The following CNTNAP2 variants were observed in gnomAD, a reference collection of about 807,000 sequenced individuals.
CNTNAP2 encodes contactin-associated protein-like 2.
Under a neutral mutation model 155.2 loss-of-function variants are expected in CNTNAP2, and 98 were observed. The ratio of observed to expected loss-of-function variants is 0.63; its 90% CI spans 0.54 to 0.75. CNTNAP2 has a LOEUF of 0.75. Among genes scored for constraint, CNTNAP2 ranks in the 30% least tolerant of loss-of-function variants. The pLI is 0.00. For missense variants in CNTNAP2, 1,727 were observed against 1,688.1 expected, an observed-to-expected ratio of 1.02 and a Z score of -0.40; for synonymous variants, 651 against 631.2, an observed-to-expected ratio of 1.03 and a Z score of -0.47.
At chr7:146,284,935 C>T (rs1181157707) in intron 1 of CNTNAP2, among the ~76,000 whole-genome samples, 4 of 152,196 alleles carry the variant, frequency 2.6e-5, no homozygotes, top group African/African-American at 9.7e-5. Flanking sequence ...GGTTTCATCG[C>T]TTGCTGCTGA....
chr7:147,391,225 C>T (rs1462281299), intron 9 of CNTNAP2, among the ~76,000 whole-genome samples: 2 of 152,142 alleles, frequency 1.3e-5, no homozygotes, highest in African/African-American at 4.8e-5. Flanking sequence ...AGTCACTGGT[C>T]CACAGCAGTT....
At chr7:147,041,944 A>G (rs1169788349) in intron 3 of CNTNAP2, among the ~76,000 whole-genome samples, 1 of 152,178 alleles carries the variant, frequency 6.6e-6, no homozygotes. Context: ...AAGCCAGAGA[A>G]CCCAATAGAG....
chr7:147,327,001 TAAAC>T (rs1211192392), intron 9 of CNTNAP2, among the ~76,000 whole-genome samples: 3 of 152,176 alleles, frequency 2.0e-5, no homozygotes, highest in African/African-American at 7.2e-5. Flanking sequence ...AGTAAATGAA[TAAAC>T]AAACAAATGA....
At chr7:147,366,370 G>A (rs1216769584) in intron 9 of CNTNAP2, among the ~76,000 whole-genome samples, 1 of 151,794 alleles carries the variant, frequency 6.6e-6, no homozygotes, top group Non-Finnish European at 1.5e-5. Context: ...CCTCTCATCA[G>A]TTTTCTATTT....
intron 1 of CNTNAP2, among the ~76,000 whole-genome samples, chr7:146,448,573 C>T (rs541220807): frequency 4.6e-5 from 7 of 151,294 alleles, no homozygotes; most frequent in South Asian, 2.1e-4. Flanking sequence ...TTACAGTAAT[C>T]GTTTGTTAAA....
rs74390145 is a variant in CNTNAP2, at chr7:146,858,879, G to A, written c.402+18975G>A. Among the ~76,000 whole-genome samples, 626 of 152,174 alleles carry A rather than the reference G, an allele frequency of 4.1e-3. 3 individuals carry two copies. Among genetic ancestry groups the A allele is most frequent in the African/African-American group, 0.014 (593 of 41,488 alleles). On this transcript the variant is annotated intron_variant, in intron 3 of 23. Coordinates refer to ENST00000361727, the MANE Select transcript of CNTNAP2 (RefSeq NM_014141.6). ...TCCTACATCATTTATTTGAAGTAAT[G>A]TTGTACATGTCAGCATAAATGCCTT...
At chr7:146,181,997 A>T (rs964060352) in intron 1 of CNTNAP2, among the ~76,000 whole-genome samples, 14 of 152,074 alleles carry the variant, frequency 9.2e-5, no homozygotes, top group African/African-American at 3.4e-4. Context: ...TTATTTCTGG[A>T]ATATATTTTA....
chr7:146,843,291 C>T (rs538492712), intron 3 of CNTNAP2, among the ~76,000 whole-genome samples: 4 of 150,098 alleles, frequency 2.7e-5, no homozygotes, highest in East Asian at 2.0e-4. Context: ...GGATTACAGG[C>T]GTGAGCCACC....
chr7:146,727,990 C>T (rs1322671861), intron 1 of CNTNAP2, among the ~76,000 whole-genome samples: 4 of 152,036 alleles, frequency 2.6e-5, no homozygotes, highest in African/African-American at 9.7e-5. Context: ...TGTTGTTGCT[C>T]ACTAAGTAGA....
chr7:146,889,303 ATCT>A (rs1795732869), intron 3 of CNTNAP2, among the ~76,000 whole-genome samples: 1 of 152,162 alleles, frequency 6.6e-6, no homozygotes, highest in Admixed American at 6.5e-5. Context: ...ATATGTGTAA[ATCT>A]TCTTTGATAC....
At chr7:147,601,145 T>C (rs1291083771) in intron 12 of CNTNAP2, among the ~76,000 whole-genome samples, 2 of 152,122 alleles carry the variant, frequency 1.3e-5, no homozygotes, top group African/African-American at 4.8e-5. Context: ...TATTTGTACC[T>C]CTGTCTCCTC....
intron 3 of CNTNAP2, among the ~76,000 whole-genome samples, chr7:147,027,838 G>A (rs1342190012): frequency 1.3e-5 from 2 of 152,228 alleles, no homozygotes; most frequent in African/African-American, 4.8e-5. Context: ...ACATGACAGA[G>A]ATTCTGGCTG....
intron 1 of CNTNAP2, among the ~76,000 whole-genome samples, chr7:146,731,184 T>C (rs983894338): frequency 6.6e-6 from 1 of 152,080 alleles, no homozygotes; most frequent in Non-Finnish European, 1.5e-5. Context: ...GTCCAGATTG[T>C]ACGAGTGCCT....
intron 1 of CNTNAP2, among the ~76,000 whole-genome samples, chr7:146,359,768 C>G (rs1427320928): frequency 6.7e-6 from 1 of 150,026 alleles, no homozygotes; most frequent in Non-Finnish European, 1.5e-5. Flanking sequence ...AAAAGGAATT[C>G]TATGTGAATA....
chr7:147,528,882 A>G (rs1289615683), intron 11 of CNTNAP2, among the ~76,000 whole-genome samples: 1 of 152,212 alleles, frequency 6.6e-6, no homozygotes, highest in East Asian at 1.9e-4. Context: ...TGATTTTTTA[A>G]AATGACACAC....
intron 11 of CNTNAP2, among the ~76,000 whole-genome samples, chr7:147,511,018 T>A (rs1413420526): frequency 8.6e-5 from 13 of 151,464 alleles, no homozygotes; most frequent in African/African-American, 3.2e-4. Flanking sequence ...TTTGATGATC[T>A]CATGAGTAAG....
chr7:146,366,569 G>C (rs1180964946), intron 1 of CNTNAP2, among the ~76,000 whole-genome samples: 1 of 151,962 alleles, frequency 6.6e-6, no homozygotes, highest in Non-Finnish European at 1.5e-5. Context: ...TCAGATGATG[G>C]GCCCAAGAAG....
At chr7:146,445,603 G>T (rs935851801) in intron 1 of CNTNAP2, among the ~76,000 whole-genome samples, 1 of 152,136 alleles carries the variant, frequency 6.6e-6, no homozygotes, top group South Asian at 2.1e-4. Context: ...GGGTGTGTGT[G>T]TATCTCTTTA....
At chr7:147,883,490 C>T (rs1017142774) in intron 13 of CNTNAP2, among the ~76,000 whole-genome samples, 1 of 152,016 alleles carries the variant, frequency 6.6e-6, no homozygotes, top group Non-Finnish European at 1.5e-5. Flanking sequence ...GAAAGATAAG[C>T]CCAATTATGA....
Sources: gnomAD v4.1 joint callset for allele counts (sites outside exome capture counted in the v4.1 genomes callset) on GRCh38, gnomAD v4.1.1 for gene constraint, MANE v1.5 for transcripts, NCBI Gene and HGNC (gene_info 2026-07-23, HGNC 2026-07-21) for gene names.